The following PTPRD variants were observed in gnomAD, a reference collection of about 807,000 sequenced individuals.
PTPRD encodes the protein protein tyrosine phosphatase receptor type D.
A neutral mutation model predicts 214.5 loss-of-function variants in PTPRD; 34 were observed. The observed-to-expected ratio is 0.16, with a 90% CI of 0.12 to 0.21. The LOEUF (loss-of-function observed/expected upper bound fraction) is 0.21. PTPRD is among the 10% of genes least tolerant of loss of function. The pLI is 1.00. For synonymous variants in PTPRD, 1,128 were observed against 845.7 expected, an observed-to-expected ratio of 1.33 and a Z score of -5.79; for missense variants, 2,545 against 2,398.7, an observed-to-expected ratio of 1.06 and a Z score of -1.27.
chr9:9,360,936 C>G (rs922154034), intron 9 of PTPRD, among the ~76,000 whole-genome samples: 7 of 150,990 alleles, frequency 4.6e-5, no homozygotes, highest in African/African-American at 1.7e-4. Flanking sequence ...CAGAAATTAC[C>G]TTAAATTCTA....
intron 3 of PTPRD, among the ~76,000 whole-genome samples, chr9:10,146,292 A>C (rs1480751252): frequency 1.3e-5 from 2 of 151,974 alleles, no homozygotes; most frequent in East Asian, 3.9e-4. Flanking sequence ...TTCAATGAAC[A>C]ATTTAGTGAT....
chr9:8,507,259 C>T (rs201087174), intron 22 of PTPRD, 42 bp downstream of exon 22: 20 of 1,588,414 alleles, frequency 1.3e-5, no homozygotes, highest in Middle Eastern at 1.7e-4. Context: ...AGTGGCCCCA[C>T]GTAATGAATA....
At position 10,112,252 on chromosome 9, in the gene PTPRD, C is replaced by G. The variant is rs189013445; in HGVS notation, c.-544-78462G>C. Among the ~76,000 whole-genome samples, 86 of 152,308 alleles carry G rather than the reference C, an allele frequency of 5.6e-4. 1 individual carries two copies. Among genetic ancestry groups the G allele is most frequent in the Admixed American group, 4.5e-3 (69 of 15,294 alleles). ...AGGAAGACAACCAGTCACAGCTGAGCTCCCAGGGTTTCTTGGAGCATGTGG... is the reference window on the plus strand; with the variant it reads ...AGGAAGACAACCAGTCACAGCTGAGGTCCCAGGGTTTCTTGGAGCATGTGG... On this transcript the variant is annotated intron_variant, in intron 3 of 45. Transcript: ENST00000381196.
chr9:10,132,235 T>A (rs1168225638), intron 3 of PTPRD, among the ~76,000 whole-genome samples: 1 of 152,144 alleles, frequency 6.6e-6, no homozygotes, highest in Non-Finnish European at 1.5e-5. Flanking sequence ...TTCCAGAAAT[T>A]ATAAGTTTCC....
intron 5 of PTPRD, among the ~76,000 whole-genome samples, chr9:9,811,749 C>T (rs1367663608): frequency 6.6e-6 from 1 of 152,088 alleles, no homozygotes; most frequent in Non-Finnish European, 1.5e-5. Context: ...GAACCTACTC[C>T]TGATGAAGAT....
chr9:9,919,494 T>C (rs967420345), intron 5 of PTPRD, among the ~76,000 whole-genome samples: 4 of 152,174 alleles, frequency 2.6e-5, no homozygotes, highest in African/African-American at 9.7e-5. Context: ...GTCCTGCATG[T>C]GCCGCATTCG....
intron 8 of PTPRD, among the ~76,000 whole-genome samples, chr9:9,568,097 T>C (rs1038383386): frequency 6.6e-6 from 1 of 151,844 alleles, no homozygotes; most frequent in Non-Finnish European, 1.5e-5. Flanking sequence ...CCTGATTATG[T>C]CATTGAGTCA....
At chr9:9,333,862 T>A (rs529037606) in intron 9 of PTPRD, among the ~76,000 whole-genome samples, 1 of 151,954 alleles carries the variant, frequency 6.6e-6, no homozygotes, top group Non-Finnish European at 1.5e-5. Flanking sequence ...GCCAATAGTA[T>A]ATATTACTTA....
chr9:9,907,288 C>G (rs569731668), intron 5 of PTPRD, among the ~76,000 whole-genome samples: 20 of 152,014 alleles, frequency 1.3e-4, no homozygotes, highest in Non-Finnish European at 2.5e-4. Context: ...CATCATTGCA[C>G]AAAACATCCT....
chr9:8,777,315 C>T (rs1027789107), intron 11 of PTPRD, among the ~76,000 whole-genome samples: 1 of 151,762 alleles, frequency 6.6e-6, no homozygotes, highest in Non-Finnish European at 1.5e-5. Context: ...AGGTATTACC[C>T]AACTGGTTGA....
chr9:9,663,360 CAAAG>C (rs1396738276), intron 7 of PTPRD, among the ~76,000 whole-genome samples: 1 of 151,196 alleles, frequency 6.6e-6, no homozygotes, highest in Non-Finnish European at 1.5e-5. Context: ...AACTTAATTT[CAAAG>C]AAATACTAAA....
chr9:9,746,739 C>T (rs554414461), intron 6 of PTPRD, among the ~76,000 whole-genome samples: 18 of 151,656 alleles, frequency 1.2e-4, no homozygotes, highest in South Asian at 2.1e-4. Flanking sequence ...CTAGCTCACA[C>T]GCTCTGTAGG....
intron 7 of PTPRD, among the ~76,000 whole-genome samples, chr9:9,602,515 GAAT>G (rs1296588042): frequency 2.6e-5 from 4 of 152,086 alleles, no homozygotes; most frequent in South Asian, 2.1e-4. Context: ...ATATCTAAAA[GAAT>G]AAGAGTAATT....
chr9:10,480,503 A>C (rs2099090813), intron 2 of PTPRD, among the ~76,000 whole-genome samples: 1 of 152,236 alleles, frequency 6.6e-6, no homozygotes, highest in South Asian at 2.1e-4. Context: ...TCAAAGATTA[A>C]TAAATAGAAA....
chr9:10,206,605 C>T (rs532037385), intron 3 of PTPRD, among the ~76,000 whole-genome samples: 13 of 151,958 alleles, frequency 8.6e-5, no homozygotes, highest in Non-Finnish European at 1.6e-4. Flanking sequence ...TTATTGGAAG[C>T]CATGGAGAAT....
At chr9:8,928,151 T>C (rs1317306300) in intron 11 of PTPRD, among the ~76,000 whole-genome samples, 1 of 152,194 alleles carries the variant, frequency 6.6e-6, no homozygotes, top group African/African-American at 2.4e-5. Flanking sequence ...ATTCTGTAGG[T>C]TGACTGTTTA....
At chr9:9,377,073 C>T (rs941267625) in intron 9 of PTPRD, among the ~76,000 whole-genome samples, 1 of 151,734 alleles carries the variant, frequency 6.6e-6, no homozygotes, top group Non-Finnish European at 1.5e-5. Flanking sequence ...TTGATGTTGG[C>T]TATGGCAACA....
At chr9:8,804,005 T>C (rs1009573729) in intron 11 of PTPRD, among the ~76,000 whole-genome samples, 5 of 151,556 alleles carry the variant, frequency 3.3e-5, no homozygotes, top group Non-Finnish European at 7.4e-5. Flanking sequence ...CAGGCTGGAG[T>C]GTAGTGGTGC....
chr9:8,775,227 A>AG (rs1055762693), intron 11 of PTPRD, among the ~76,000 whole-genome samples: 1 of 152,268 alleles, frequency 6.6e-6, no homozygotes, highest in Non-Finnish European at 1.5e-5. Context: ...ACAACATTTC[A>AG]GGGGGGTCTT....
Sources: gnomAD v4.1 joint callset for allele counts (sites outside exome capture counted in the v4.1 genomes callset) on GRCh38, gnomAD v4.1.1 for gene constraint, MANE v1.5 for transcripts, NCBI Gene and HGNC (gene_info 2026-07-23, HGNC 2026-07-21) for gene names.